The following GPC5 variants were observed in gnomAD, a reference collection of about 807,000 sequenced individuals.
GPC5 encodes the protein glypican 5.
Under a neutral mutation model 53.9 loss-of-function variants are expected in GPC5, and 47 were observed. That is an observed-to-expected ratio of 0.87 (90% CI 0.69 to 1.11). The LOEUF is 1.11. GPC5 is among the 50% of genes most tolerant of loss of function. The pLI, the probability that GPC5 is intolerant of heterozygous loss-of-function variation, is 0.00. For synonymous variants in GPC5, 286 were observed against 263.3 expected (o/e 1.09, Z -0.84); for missense variants, 748 against 713.1 (o/e 1.05, Z -0.56).
At chr13:91,415,750 G>GC (rs76171539) in intron 1 of GPC5, among the ~76,000 whole-genome samples, 7,015 of 146,772 alleles carry the variant, frequency 0.048, 258 homozygotes, top group East Asian at 0.18. Context: ...CGGGGGTGGG[G>GC]GGGGTGGGGG....
At chr13:91,666,691 C>T (rs2035121770) in intron 2 of GPC5, among the ~76,000 whole-genome samples, 1 of 152,048 alleles carries the variant, frequency 6.6e-6, no homozygotes, top group Non-Finnish European at 1.5e-5. Flanking sequence ...ATTTCTTACT[C>T]ATTTAATTCT....
At chr13:91,651,131 T>C (rs934555016) in intron 2 of GPC5, among the ~76,000 whole-genome samples, 1 of 152,164 alleles carries the variant, frequency 6.6e-6, no homozygotes, top group Non-Finnish European at 1.5e-5. Context: ...GTTATGAATT[T>C]CACCATACCA....
chr13:92,371,624 A>T (rs1236370749), intron 7 of GPC5, among the ~76,000 whole-genome samples: 1 of 152,162 alleles, frequency 6.6e-6, no homozygotes, highest in Non-Finnish European at 1.5e-5. Flanking sequence ...GAGAGAAGCA[A>T]CGCATCTTCT....
At chr13:92,082,268 A>G (rs1000732105) in intron 6 of GPC5, among the ~76,000 whole-genome samples, 4 of 152,196 alleles carry the variant, frequency 2.6e-5, no homozygotes, top group African/African-American at 9.6e-5. Context: ...TGGATTTCAT[A>G]TGACTATTTG....
At chr13:92,293,243 A>T (rs2043009889) in intron 7 of GPC5, among the ~76,000 whole-genome samples, 1 of 151,838 alleles carries the variant, frequency 6.6e-6, no homozygotes, top group Non-Finnish European at 1.5e-5. Context: ...TTGAATTTGT[A>T]GATTGCTTTG....
intron 7 of GPC5, among the ~76,000 whole-genome samples, chr13:92,822,451 C>A (rs974721059): frequency 6.6e-6 from 1 of 151,982 alleles, no homozygotes; most frequent in Non-Finnish European, 1.5e-5. Context: ...TTGTTAAAAT[C>A]CTGACTTAAA....
chr13:92,160,066 C>T (rs1010104176), intron 7 of GPC5, among the ~76,000 whole-genome samples: 1 of 152,014 alleles, frequency 6.6e-6, no homozygotes, highest in Non-Finnish European at 1.5e-5. Context: ...CCACACTGGG[C>T]TAATTTTTGC....
intron 5 of GPC5, among the ~76,000 whole-genome samples, chr13:91,852,809 A>G (rs889065867): frequency 1.3e-5 from 2 of 152,152 alleles, no homozygotes; most frequent in East Asian, 1.9e-4. Flanking sequence ...TATGTGATCC[A>G]TTGTTAGCCA....
intron 7 of GPC5, among the ~76,000 whole-genome samples, chr13:92,756,966 A>G (rs1383585865): frequency 7.2e-5 from 11 of 151,946 alleles, no homozygotes; most frequent in African/African-American, 2.7e-4. Context: ...TTCTTCACAG[A>G]ATTGGAAAAA....
chr13:92,341,389 TGA>T (rs1227519235), intron 7 of GPC5, among the ~76,000 whole-genome samples: 2 of 152,040 alleles, frequency 1.3e-5, no homozygotes, highest in African/African-American at 2.4e-5. Flanking sequence ...AAGAGATATA[TGA>T]GAGACACAAA....
intron 7 of GPC5, among the ~76,000 whole-genome samples, chr13:92,421,653 C>G (rs1040084146): frequency 7.1e-6 from 1 of 139,982 alleles, no homozygotes; most frequent in African/African-American, 2.7e-5. Flanking sequence ...GAGCTGAGAT[C>G]GCGCCACTGC....
At chr13:92,627,392 T>C (rs1885082454) in intron 7 of GPC5, among the ~76,000 whole-genome samples, 1 of 152,240 alleles carries the variant, frequency 6.6e-6, no homozygotes, top group South Asian at 2.1e-4. Context: ...GGTTGCACTT[T>C]ACACAGCTTT....
chr13:92,849,662 C>T (rs942165741), intron 7 of GPC5, among the ~76,000 whole-genome samples: 1 of 152,152 alleles, frequency 6.6e-6, no homozygotes, highest in Non-Finnish European at 1.5e-5. Context: ...GGCATCTATT[C>T]AATCAATGCC....
At position 92,394,187 on chromosome 13, in the gene GPC5, G is replaced by A. The variant is rs564850250; in HGVS notation, c.1561+249198G>A. ...TCCAAAGATTCAATCATCTAAGGGT[G>A]TATAGTATATTATTATACTTATCTA... On this transcript the variant is annotated intron_variant, in intron 7 of 7. Transcript: ENST00000377067. 8.5e-5 allele frequency among the ~76,000 whole-genome samples: 13 copies of A among 152,200 alleles called. No homozygotes were observed. The South Asian group carries it at 2.7e-3, about 32-fold the overall frequency.
At chr13:92,535,414 C>T (rs553682958) in intron 7 of GPC5, among the ~76,000 whole-genome samples, 2 of 152,144 alleles carry the variant, frequency 1.3e-5, no homozygotes, top group East Asian at 3.9e-4. Flanking sequence ...GAGACTGGAG[C>T]TCAGCCTCAA....
At chr13:91,801,922 C>CTAAATAAGATTA (rs1227813213) in intron 5 of GPC5, among the ~76,000 whole-genome samples, 1 of 152,148 alleles carries the variant, frequency 6.6e-6, no homozygotes, top group Non-Finnish European at 1.5e-5. Flanking sequence ...TACCACATTC[C>CTAAATAAGATTA]TAAATAAGAA....
intron 7 of GPC5, among the ~76,000 whole-genome samples, chr13:92,693,986 C>G (rs1443884666): frequency 6.6e-6 from 1 of 152,228 alleles, no homozygotes; most frequent in East Asian, 1.9e-4. Flanking sequence ...ACTTGGTGCC[C>G]TGCAACCCAG....
chr13:91,957,442 G>A (rs1245499579), intron 6 of GPC5, among the ~76,000 whole-genome samples: 3 of 152,058 alleles, frequency 2.0e-5, no homozygotes, highest in African/African-American at 4.8e-5. Flanking sequence ...AAATCAGCTC[G>A]AGATTTAGAT....
chr13:92,626,061 T>TTCAA (rs1205666149), intron 7 of GPC5, among the ~76,000 whole-genome samples: 1 of 152,198 alleles, frequency 6.6e-6, no homozygotes, highest in Non-Finnish European at 1.5e-5. Flanking sequence ...ACCATACCAG[T>TTCAA]TCAATCAATT....
Sources: gnomAD v4.1 joint callset for allele counts (sites outside exome capture counted in the v4.1 genomes callset) on GRCh38, gnomAD v4.1.1 for gene constraint, MANE v1.5 for transcripts, NCBI Gene and HGNC (gene_info 2026-07-23, HGNC 2026-07-21) for gene names.